Variants in MORC2 observed in about 807,000 individuals in gnomAD.
MORC2 encodes ATPase MORC2.
Under a neutral mutation model 136.0 loss-of-function variants are expected in MORC2, and 30 were observed. The ratio of observed to expected loss-of-function variants is 0.22; its 90% confidence interval spans 0.17 to 0.30. The LOEUF (loss-of-function observed/expected upper bound fraction) is 0.30. Among genes scored for constraint, MORC2 ranks in the 10% least tolerant of loss-of-function variants. The probability of loss-of-function intolerance (pLI) is 1.00; values close to 1 mark genes in which losing one functional copy is unlikely to be tolerated. For synonymous variants in MORC2, 439 were observed against 487.0 expected (o/e 0.90, Z 1.30); for missense variants, 922 against 1,333.1 (o/e 0.69, Z 4.80).
chr22:30,932,255 C>G lies in MORC2; in HGVS notation c.2841+104G>C. The G allele has an allele frequency of 4.1e-6, 4 of 985,560 alleles. No homozygotes were observed. The highest frequency in any genetic ancestry group is 2.4e-5 in the East Asian group (1 of 41,608). The allele number at this position is 985,560 out of a possible 1,614,324, so 61.1% of individuals were successfully genotyped here. On this transcript the variant is annotated intron_variant, in intron 24 of 25. Coordinates refer to ENST00000397641, the MANE Select transcript of MORC2 (RefSeq NM_001303256.3). The surrounding 1 kb of genome is among the most constrained non-coding windows in gnomAD (Gnocchi z 4.4). ...GATGGAGCACACAGCTGAGAGCTAGCAACTGCAACAAGCGTAACAATCATA... is the reference window on the plus strand; with the variant it reads ...GATGGAGCACACAGCTGAGAGCTAGGAACTGCAACAAGCGTAACAATCATA...
chr22:30,935,194 G>A (rs2040635375), intron 18 of MORC2, 33 bp from the exon 19 acceptor site: 2 of 1,612,492 alleles, frequency 1.2e-6, no homozygotes, highest in East Asian at 4.5e-5. Context: ...TGAGAACACT[G>A]ATCCTAGCAT....
chr22:30,933,965 G>A, intron 20 of MORC2, 95 bp downstream of exon 20: 2 of 1,493,018 alleles, frequency 1.3e-6, no homozygotes, highest in Admixed American at 1.8e-5. Context: ...GACTGCTGGT[G>A]GATGGTATAG....
chr22:30,927,677 G>A (rs955265351), intron 25 of MORC2, among the ~76,000 whole-genome samples: 1 of 152,238 alleles, frequency 6.6e-6, no homozygotes, highest in Non-Finnish European at 1.5e-5. Context: ...TTGCCTGGAT[G>A]AAGGGCCAAC....
In MORC2 at chr22:30,932,807, G is replaced by T; in HGVS notation, c.2523-38C>A. ...CACAGCTTATGTCATGTCTGACCCG[G>T]GCTCCCAGGATGGGCTGCTGGCAGG... On this transcript the variant is annotated intron_variant, in intron 22 of 25. Transcript: ENST00000397641. This position sits in a 1 kb window ranked among gnomAD's most constrained non-coding sequence, Gnocchi z 4.4. The T allele has an allele frequency of 1.9e-6, 3 of 1,613,296 alleles. No individual in the cohort carries two copies. Among genetic ancestry groups the T allele is most frequent in the Admixed American group, 1.7e-5 (1 of 59,998 alleles).
rs764146266 is a variant in MORC2 at position 30,940,060 on chromosome 22, C to T, written c.905-19G>A. On this transcript the variant is annotated intron_variant, in intron 10 of 25. Coordinates refer to ENST00000397641, the MANE Select transcript of MORC2 (RefSeq NM_001303256.3). ...TCTTCAGCTGAAACCCAGAAGAGAA[C>T]ATGGTAAGAAATGCAAAGGTTCAAA... 2 of 1,611,598 alleles carry T rather than the reference C, an allele frequency of 1.2e-6. No homozygotes were observed. The highest frequency in any genetic ancestry group is 2.2e-5 in the South Asian group (2 of 90,914).
At chr22:30,963,310 T>C in intron 1 of MORC2, 1 of 984,678 alleles carries the variant, frequency 1.0e-6, no homozygotes, top group South Asian at 4.7e-5. Context: ...TAAACATCCT[T>C]TGCATGTGAT....
intron 1 of MORC2, chr22:30,963,448 T>C (rs2041079893): frequency 2.9e-6 from 1 of 348,778 alleles, no homozygotes; most frequent in East Asian, 1.7e-4. Context: ...TGCAGCGGCA[T>C]GATCTCAACT....
At chr22:30,940,954 T>G in intron 9 of MORC2, 117 bp from the exon 10 acceptor site, 1 of 856,392 alleles carries the variant, frequency 1.2e-6, no homozygotes, top group South Asian at 1.4e-5. Flanking sequence ...TCCTGGCCCC[T>G]CATGATGAGA....
chr22:30,950,634 G>A (rs2040874089), intron 3 of MORC2, among the ~76,000 whole-genome samples, 189 bp from the exon 4 acceptor site: 2 of 152,288 alleles, frequency 1.3e-5, no homozygotes, highest in Admixed American at 1.3e-4. Context: ...GTTCTCCAAT[G>A]TTTTCTAGAT....
intron 17 of MORC2, 88 bp from the exon 18 acceptor site, chr22:30,935,410 A>C: frequency 7.7e-7 from 1 of 1,305,196 alleles, no homozygotes; most frequent in East Asian, 2.5e-5. Context: ...CCAGGGACAA[A>C]AAAAATAGAA....
Position 30,926,936 on chromosome 22 carries a change from C to T in MORC2, c.3031-65G>A, listed in dbSNP as rs2040493558. 12 of 1,387,166 alleles carry T rather than the reference C, an allele frequency of 8.7e-6. No individual in the cohort carries two copies. In the South Asian group the frequency reaches 1.2e-4, roughly 14 times the overall value. The allele number at this position is 1,387,166 out of a possible 1,614,324, so 85.9% of individuals were successfully genotyped here. ...AGTGATTGGGGGGCTCACCTTTCCA[C>T]CCTTCTCTCAGCTCCTGGGATGGAG... On this transcript the variant is annotated intron_variant, in intron 25 of 25. Transcript: ENST00000397641.
At chr22:30,946,062 G>A (rs1322475075) in intron 6 of MORC2, among the ~76,000 whole-genome samples, 1 of 152,168 alleles carries the variant, frequency 6.6e-6, no homozygotes, top group African/African-American at 2.4e-5. Context: ...ATCTAGAGGA[G>A]CTGCAAATCC....
At chr22:30,962,462 G>C (rs957797377) in intron 1 of MORC2, among the ~76,000 whole-genome samples, 1 of 151,866 alleles carries the variant, frequency 6.6e-6, no homozygotes, top group African/African-American at 2.4e-5. Context: ...AGGTGTGGTG[G>C]TGTACACCTG....
chr22:30,930,465 C>A (rs2040558149), intron 24 of MORC2, among the ~76,000 whole-genome samples: 1 of 152,186 alleles, frequency 6.6e-6, no homozygotes, highest in Non-Finnish European at 1.5e-5. Flanking sequence ...ATCTTGCTGG[C>A]AGAGCAAGGC....
In MORC2 at chr22:30,939,718, G is replaced by C; in HGVS notation, c.988-12C>G. ...TGTCGCAACATCACCTGCACACATT[G>C]ACATCAGGTGAGGGGAGGTGGCACT... On this transcript the variant is annotated splice_polypyrimidine_tract_variant and intron_variant, in intron 11 of 25. Transcript: ENST00000397641. The C allele has an allele frequency of 6.2e-7, 1 of 1,613,212 alleles. No homozygotes were observed. Among genetic ancestry groups the C allele is most frequent in the Non-Finnish European group, 8.5e-7 (1 of 1,179,656 alleles).
rs2041159218 is a variant in MORC2 at position 30,968,204 on chromosome 22, T to TG, written c.-316dup. On this transcript the variant is annotated 5_prime_UTR_variant, in exon 1 of 26. Transcript: ENST00000397641. Reference sequence around the variant, plus strand: ...CAATTCAGACAATCTGAGTCTCGTGTGGATGGTCCTGAAGGAGATGGTCCT... The same window carrying TG: ...CAATTCAGACAATCTGAGTCTCGTGTGGGATGGTCCTGAAGGAGATGGTCCT... The TG allele has an allele frequency of 3.5e-6, 1 of 288,810 alleles. No individual in the cohort carries two copies. Among genetic ancestry groups the TG allele is most frequent in the African/African-American group, 2.2e-5 (1 of 44,750 alleles). 17.9% of individuals were successfully genotyped at this position (288,810 alleles called of 1,614,324 possible).
intron 17 of MORC2, 149 bp downstream of exon 17, chr22:30,936,362 G>T: frequency 1.0e-6 from 1 of 989,086 alleles, no homozygotes; most frequent in Non-Finnish European, 1.5e-6. Flanking sequence ...ACGTGGACCT[G>T]GAGGTTGGGG....
At position 30,941,654 on chromosome 22, in the gene MORC2, T is replaced by C; in HGVS notation, c.699-96A>G. The C allele has an allele frequency of 6.7e-7, 1 of 1,487,560 alleles. No individual in the cohort carries two copies. Among genetic ancestry groups the C allele is most frequent in the Admixed American group, 1.9e-5 (1 of 51,554 alleles). The allele number at this position is 1,487,560 out of a possible 1,614,324, so 92.1% of individuals were successfully genotyped here. ...TCTCTGCAGGCTCTCCACCTTTCCA[T>C]GTTAGGTACTGACTTCTGCTGCTGC... On this transcript the variant is annotated intron_variant, in intron 8 of 25. Transcript: ENST00000397641. The surrounding 1 kb of genome is among the most constrained non-coding windows in gnomAD (Gnocchi z 4.6).
intron 3 of MORC2, 90 bp downstream of exon 3, chr22:30,956,673 A>G (rs2040972052): frequency 6.4e-6 from 7 of 1,089,042 alleles, no homozygotes; most frequent in Non-Finnish European, 9.3e-6. Flanking sequence ...AGGCTCCCGA[A>G]TCCAGTTATT....
Sources: gnomAD v4.1 joint callset for allele counts (sites outside exome capture counted in the v4.1 genomes callset) on GRCh38, gnomAD v4.1.1 for gene constraint, Gnocchi (gnomAD v3.1) non-coding constraint, MANE v1.5 for transcripts, NCBI Gene and HGNC (gene_info 2026-07-23, HGNC 2026-07-21) for gene names.